Variants in NREP observed in about 807,000 individuals in gnomAD.
NREP encodes the protein neuronal regeneration-related protein.
NREP carries 5 observed loss-of-function variants against 8.6 expected under a neutral mutation model. The ratio of observed to expected loss-of-function variants is 0.58; its 90% CI spans 0.30 to 1.22. NREP has a LOEUF of 1.22. NREP is among the 50% of genes most tolerant of loss of function. The pLI is 0.07. For synonymous variants in NREP, 27 were observed against 28.0 expected (o/e 0.96, Z 0.11); for missense variants, 86 against 82.5 (o/e 1.04, Z -0.17).
chr5:111,956,089 G>T (rs1756308039), intron 2 of NREP, among the ~76,000 whole-genome samples: 1 of 151,986 alleles, frequency 6.6e-6, no homozygotes, highest in South Asian at 2.1e-4. Context: ...AACCTAAGAA[G>T]TTGCCAAGGA....
intron 2 of NREP, among the ~76,000 whole-genome samples, chr5:111,897,965 A>G (rs933348032): frequency 2.6e-5 from 4 of 152,206 alleles, no homozygotes; most frequent in African/African-American, 4.8e-5. Context: ...TAATAGCAAA[A>G]GTATTCAAGT....
chr5:111,796,336 A>C (rs1751872917), intron 2 of NREP, among the ~76,000 whole-genome samples: 1 of 152,164 alleles, frequency 6.6e-6, no homozygotes. Flanking sequence ...AGCCATGATA[A>C]TCTGTCTCAA....
At chr5:111,765,667 C>G (rs772993129) in intron 2 of NREP, among the ~76,000 whole-genome samples, 7 of 152,222 alleles carry the variant, frequency 4.6e-5, no homozygotes, top group East Asian at 1.9e-4. Flanking sequence ...TCATGCTCAC[C>G]TTCGTTGCCG....
chr5:111,931,780 G>GAA (rs1755544245), intron 2 of NREP, among the ~76,000 whole-genome samples: 1 of 152,054 alleles, frequency 6.6e-6, no homozygotes, highest in Non-Finnish European at 1.5e-5. Flanking sequence ...AGAATTACAG[G>GAA]TTCCTCCATG....
intron 2 of NREP, among the ~76,000 whole-genome samples, chr5:111,827,658 A>G (rs1457544328): frequency 2.0e-5 from 3 of 152,172 alleles, no homozygotes; most frequent in Non-Finnish European, 4.4e-5. Flanking sequence ...CCTGGCCAAC[A>G]TGGCGAAACC....
chr5:111,921,758 C>T (rs1755246643), intron 2 of NREP, among the ~76,000 whole-genome samples: 1 of 152,064 alleles, frequency 6.6e-6, no homozygotes, highest in African/African-American at 2.4e-5. Flanking sequence ...GAATTGTATC[C>T]CCCAGAATTC....
At chr5:111,928,460 A>G (rs1755450042) in intron 2 of NREP, among the ~76,000 whole-genome samples, 1 of 152,136 alleles carries the variant, frequency 6.6e-6, no homozygotes, top group South Asian at 2.1e-4. Flanking sequence ...TTGAATTGAA[A>G]TATATGTGTG....
intron 2 of NREP, chr5:111,846,709 T>C (rs1312459032): frequency 6.6e-6 from 1 of 152,092 alleles, no homozygotes; most frequent in Non-Finnish European, 1.5e-5. Flanking sequence ...ATTAGAGATA[T>C]TTTACTATGC....
chr5:111,889,456 T>G (rs1754341607), intron 2 of NREP, among the ~76,000 whole-genome samples: 2 of 152,124 alleles, frequency 1.3e-5, no homozygotes, highest in Admixed American at 1.3e-4. Context: ...AACACAACAT[T>G]TGGAAGGGAC....
intron 2 of NREP, among the ~76,000 whole-genome samples, chr5:111,956,241 C>T (rs1364422511): frequency 6.6e-6 from 1 of 152,044 alleles, no homozygotes; most frequent in East Asian, 1.9e-4. Context: ...AATTGCAGAA[C>T]ATATGAGAAT....
chr5:111,945,959 T>C (rs1033715784), intron 2 of NREP, among the ~76,000 whole-genome samples: 1 of 151,822 alleles, frequency 6.6e-6, no homozygotes, highest in African/African-American at 2.4e-5. Context: ...AAGTTGTATA[T>C]ACAGTAAGCA....
chr5:111,814,568 A>G (rs1328584018), intron 2 of NREP, among the ~76,000 whole-genome samples: 1 of 152,126 alleles, frequency 6.6e-6, no homozygotes, highest in Non-Finnish European at 1.5e-5. Context: ...ACTGTCTGCT[A>G]TTAATTGATT....
rs188374143 is a variant in NREP at position 111,927,942 on chromosome 5, A to G, written c.135+47332T>C. On this transcript the variant is annotated intron_variant, in intron 2 of 3. Coordinates refer to the NREP transcript ENST00000395634. Reference sequence around the variant, plus strand: ...CACTCTCTTTTTGGTTTACAATAGGATGGACTGTGAAAAAGTCTGGGGCTT... The same window carrying G: ...CACTCTCTTTTTGGTTTACAATAGGGTGGACTGTGAAAAAGTCTGGGGCTT... Among the ~76,000 whole-genome samples, 534 of 152,278 alleles carry G rather than the reference A, an allele frequency of 3.5e-3. 3 individuals carry two copies. Among genetic ancestry groups the G allele is most frequent in the Non-Finnish European group, 5.6e-3 (382 of 68,016 alleles).
intron 3 of NREP, chr5:111,734,963 G>A (rs1325912156): frequency 1.7e-5 from 7 of 404,094 alleles, no homozygotes; most frequent in Admixed American, 4.2e-5. Context: ...ATGAAACCAC[G>A]TTTATAAAAA....
chr5:111,734,665 C>T (rs1356365058), intron 3 of NREP: 1 of 681,156 alleles, frequency 1.5e-6, no homozygotes, highest in African/African-American at 1.8e-5. Flanking sequence ...TGGGGGAGGA[C>T]TCACCGTTAG....
chr5:111,938,937 G>A (rs761197451), intron 2 of NREP, among the ~76,000 whole-genome samples: 1 of 151,996 alleles, frequency 6.6e-6, no homozygotes, highest in Non-Finnish European at 1.5e-5. Context: ...ATGTAACCCT[G>A]CCATTATGGC....
At chr5:111,845,444 T>C (rs1206675076) in intron 2 of NREP, among the ~76,000 whole-genome samples, 1 of 152,148 alleles carries the variant, frequency 6.6e-6, no homozygotes, top group Middle Eastern at 3.2e-3. Flanking sequence ...TATCACTCTC[T>C]GAAGGCATAT....
intron 2 of NREP, among the ~76,000 whole-genome samples, chr5:111,784,727 C>A (rs1254915374): frequency 6.6e-6 from 1 of 152,080 alleles, no homozygotes; most frequent in Non-Finnish European, 1.5e-5. Context: ...ATTTCCAAAC[C>A]TTATTTGGCT....
intron 2 of NREP, among the ~76,000 whole-genome samples, chr5:111,946,373 A>G (rs1363048534): frequency 6.6e-6 from 1 of 152,060 alleles, no homozygotes; most frequent in Admixed American, 6.6e-5. Flanking sequence ...AGTTCTTCAC[A>G]ATGTTAATCT....
Sources: allele counts gnomAD v4.1 joint callset (sites outside exome capture counted in the v4.1 genomes callset), GRCh38; gene constraint gnomAD v4.1.1; transcripts MANE v1.5; gene names NCBI Gene and HGNC (gene_info 2026-07-23, HGNC 2026-07-21).